Variants in CDC34 observed in about 807,000 individuals in gnomAD.
CDC34 encodes ubiquitin-conjugating enzyme E2 R1.
CDC34 carries 18 observed loss-of-function variants against 26.8 expected under a neutral mutation model. That is an observed-to-expected ratio of 0.67 (90% CI 0.47 to 1.00). CDC34 has a LOEUF of 1.00. Among genes scored for constraint, CDC34 ranks in the 50% least tolerant of loss-of-function variants. CDC34 has a pLI of 0.00. For synonymous variants in CDC34, 178 were observed against 147.5 expected, an observed-to-expected ratio of 1.21 and a Z score of -1.50; for missense variants, 280 against 334.5, an observed-to-expected ratio of 0.84 and a Z score of 1.27.
In CDC34 at chr19:531,843, C is replaced by A. The variant is rs1249064471; in HGVS notation, c.-89C>A. 7.3e-6 allele frequency: 6 copies of A among 827,244 alleles called. No individual in the cohort carries two copies. The highest frequency in any genetic ancestry group is 5.2e-5 in the Admixed American group (1 of 19,396). The allele number at this position is 827,244 out of a possible 1,614,324, so 51.2% of individuals were successfully genotyped here. A position where few individuals can be genotyped will look rare whatever the true frequency, so the allele number is the denominator to read the frequency against. ...GGCGGCGGCCCCGGTGGCTCCCCCC[C>A]GGACGGTGCGCGGCCCGGCCCGTCT... On this transcript the variant is annotated 5_prime_UTR_variant, in exon 1 of 5. Coordinates refer to ENST00000215574, the MANE Select transcript of CDC34 (RefSeq NM_004359.2).
At chr19:535,243 G>A (rs966227540) in intron 1 of CDC34, among the ~76,000 whole-genome samples, 6 of 152,340 alleles carry the variant, frequency 3.9e-5, no homozygotes, top group African/African-American at 1.4e-4. Context: ...AGGTTTCTGT[G>A]ACCTATGGGT....
chr19:540,791 T>A (rs1979974050), intron 4 of CDC34, among the ~76,000 whole-genome samples: 1 of 34,430 alleles, frequency 2.9e-5, no homozygotes, highest in Admixed American at 3.1e-4. Flanking sequence ...GAGGCTGGGA[T>A]GGCCAGGCCC....
Position 541,996 on chromosome 19 carries a change from C to T in CDC34, c.*444C>T, listed in dbSNP as rs1398308316. The T allele has an allele frequency of 6.3e-6, 1 of 158,816 alleles. No homozygotes were observed. Among genetic ancestry groups the T allele is most frequent in the African/African-American group, 2.4e-5 (1 of 41,648 alleles). 9.8% of individuals were successfully genotyped at this position (158,816 alleles called of 1,614,324 possible). On this transcript the variant is annotated 3_prime_UTR_variant, in exon 5 of 5. Coordinates refer to ENST00000215574, the MANE Select transcript of CDC34 (RefSeq NM_004359.2). Reference sequence around the variant, plus strand: ...TGCCTGTCAGCTCCAGGTCCTGGAGCCACGTCCAGCACAGAGTGGACGGAT... The same window carrying T: ...TGCCTGTCAGCTCCAGGTCCTGGAGTCACGTCCAGCACAGAGTGGACGGAT...
intron 1 of CDC34, 33 bp downstream of exon 1, chr19:532,141 G>T: frequency 6.8e-7 from 1 of 1,460,390 alleles, no homozygotes; most frequent in Non-Finnish European, 9.0e-7. Context: ...GGGTCCCGGA[G>T]CCCACGAGCG....
chr19:537,269 A>G (rs1224984432), intron 4 of CDC34, 122 bp downstream of exon 4: 1 of 1,134,312 alleles, frequency 8.8e-7, no homozygotes, highest in Non-Finnish European at 1.3e-6. Flanking sequence ...CCTGGTGCCC[A>G]TTTACAGGGT....
intron 1 of CDC34, among the ~76,000 whole-genome samples, chr19:534,282 C>T (rs1979623848): frequency 6.6e-6 from 1 of 152,090 alleles, no homozygotes; most frequent in South Asian, 2.1e-4. Context: ...CCAGTGAGTT[C>T]CCTGTCAAAC....
intron 3 of CDC34, 75 bp downstream of exon 3, chr19:536,415 A>C: frequency 1.0e-5 from 12 of 1,162,528 alleles, no homozygotes; most frequent in Non-Finnish European, 1.4e-5. Flanking sequence ...CACCCAGACC[A>C]TCAGGTAGGC....
chr19:539,412 C>T lies in CDC34; in HGVS notation c.498-1927C>T, dbSNP rs16990608. 3.7e-3 allele frequency among the ~76,000 whole-genome samples: 560 copies of T among 152,096 alleles called. 8 individuals carry two copies. Among genetic ancestry groups the T allele is most frequent in the Admixed American group, 0.028 (431 of 15,292 alleles). ...CCCACTGCTGCCACCCGTGCAGTGC[C>T]GTCCCCGGGGCACTGTCAGTCACCC... On this transcript the variant is annotated intron_variant, in intron 4 of 4. Transcript: ENST00000215574.
At chr19:538,354 C>T (rs1443228614) in intron 4 of CDC34, among the ~76,000 whole-genome samples, 1 of 152,230 alleles carries the variant, frequency 6.6e-6, no homozygotes, top group African/African-American at 2.4e-5. Flanking sequence ...CCACGGCTCT[C>T]CCTCTCCTCC....
chr19:532,343 C>T (rs1004403740), intron 1 of CDC34, among the ~76,000 whole-genome samples: 5 of 152,244 alleles, frequency 3.3e-5, no homozygotes, highest in African/African-American at 9.6e-5. Flanking sequence ...TCCCCAGTTC[C>T]CTTCAAGGCA....
intron 1 of CDC34, among the ~76,000 whole-genome samples, chr19:534,592 C>CT (rs776263867): frequency 6.3e-5 from 7 of 111,632 alleles, no homozygotes; most frequent in Non-Finnish European, 9.4e-5. Flanking sequence ...CCAAGACCCC[C>CT]GAGTGCCCGC....
At chr19:536,519 C>A in intron 3 of CDC34, 179 bp downstream of exon 3, 1 of 599,096 alleles carries the variant, frequency 1.7e-6, no homozygotes, top group Non-Finnish European at 3.0e-6. Context: ...TAGGTGCTTT[C>A]ACGGGGCCTG....
At chr19:532,430 C>T (rs1210215609) in intron 1 of CDC34, among the ~76,000 whole-genome samples, 1 of 152,226 alleles carries the variant, frequency 6.6e-6, no homozygotes, top group Non-Finnish European at 1.5e-5. Flanking sequence ...GGGCGTGGGG[C>T]TCTTGCCCAC....
chr19:532,453 G>A (rs1979538748), intron 1 of CDC34, among the ~76,000 whole-genome samples: 1 of 152,168 alleles, frequency 6.6e-6, no homozygotes, highest in Non-Finnish European at 1.5e-5. Context: ...CCTCCTTGGC[G>A]GGGGCTGGAC....
intron 1 of CDC34, among the ~76,000 whole-genome samples, chr19:535,492 G>C (rs1261476338): frequency 6.6e-6 from 1 of 152,238 alleles, no homozygotes; most frequent in Non-Finnish European, 1.5e-5. Flanking sequence ...CTGCTGGTGG[G>C]TGCCCCTGGC....
At chr19:537,441 C>G (rs1979808246) in intron 4 of CDC34, among the ~76,000 whole-genome samples, 1 of 151,114 alleles carries the variant, frequency 6.6e-6, no homozygotes, top group Non-Finnish European at 1.5e-5. Flanking sequence ...CAAGCTCCGC[C>G]TCCCGGGTTC....
In CDC34 at chr19:541,651, T is replaced by C. The variant is rs986603942; in HGVS notation, c.*99T>C. 34 of 1,345,434 alleles carry C rather than the reference T, an allele frequency of 2.5e-5. No individual in the cohort carries two copies. The South Asian group carries it at 5.2e-4, about 21-fold the overall frequency. The allele number at this position is 1,345,434 out of a possible 1,614,324, so 83.3% of individuals were successfully genotyped here. ...CACGGAGGTTTTGTGCTGGTCCCCG[T>C]CTCCTCTGGTTGTTTCGTTTTGGCT... is the stretch of plus-strand genomic sequence containing the variant. On this transcript the variant is annotated 3_prime_UTR_variant, in exon 5 of 5. Transcript: ENST00000215574.
Position 534,874 on chromosome 19 carries a change from C to T in CDC34, c.178-963C>T, listed in dbSNP as rs1021324110. On this transcript the variant is annotated intron_variant, in intron 1 of 4. Transcript: ENST00000215574. ...AGACCCCCTGAGTGCCCTCCCTGTC[C>T]AGACCTCGCCCACGATCCAAGACCC... Among the ~76,000 whole-genome samples the T allele has an allele frequency of 1.4e-4, 19 of 136,674 alleles. No homozygotes were observed. The South Asian group carries it at 3.4e-3, about 24-fold the overall frequency. The allele number at this position is 136,674 out of a possible 152,430, so 89.7% of individuals were successfully genotyped here. A position where few individuals can be genotyped will look rare whatever the true frequency, so the allele number is the denominator to read the frequency against.
chr19:539,115 G>C (rs540478067), intron 4 of CDC34: 2 of 728,570 alleles, frequency 2.7e-6, no homozygotes, highest in African/African-American at 3.8e-5. Context: ...ATCTGTGTGC[G>C]TGTTGGCCTC....
Sources: gnomAD v4.1 joint callset for allele counts (sites outside exome capture counted in the v4.1 genomes callset) on GRCh38, gnomAD v4.1.1 for gene constraint, MANE v1.5 for transcripts, NCBI Gene and HGNC (gene_info 2026-07-23, HGNC 2026-07-21) for gene names.